The following INPP5D variants were observed in gnomAD, a reference collection of about 807,000 sequenced individuals.
The protein encoded by INPP5D is inositol polyphosphate-5-phosphatase D.
Under a neutral mutation model 122.9 loss-of-function variants are expected in INPP5D, and 33 were observed. That is an observed-to-expected ratio of 0.27 (90% CI 0.20 to 0.36). The LOEUF is 0.36. INPP5D is among the 10% of genes least tolerant of loss of function. The probability of loss-of-function intolerance (pLI) is 1.00; values close to 1 mark genes in which losing one functional copy is unlikely to be tolerated. For missense variants in INPP5D, 1,053 were observed against 1,412.7 expected, an observed-to-expected ratio of 0.75 and a Z score of 4.08; for synonymous variants, 584 against 576.2, an observed-to-expected ratio of 1.01 and a Z score of -0.19.
chr2:233,068,928 AGG>A (rs1253213449), intron 1 of INPP5D, among the ~76,000 whole-genome samples: 2 of 152,214 alleles, frequency 1.3e-5, no homozygotes, highest in Admixed American at 1.3e-4. Flanking sequence ...GAGTGAAACC[AGG>A]GGCAATGAAC....
Position 233,060,411 on chromosome 2 carries a change from C to G in INPP5D, c.-68C>G. 1 of 1,491,060 alleles carries G rather than the reference C, an allele frequency of 6.7e-7. No homozygotes were observed. The highest frequency in any genetic ancestry group is 9.0e-7 in the Non-Finnish European group (1 of 1,108,584). 92.4% of individuals were successfully genotyped at this position (1,491,060 alleles called of 1,614,324 possible). ...CGGCAGGTTGCAGTGGAGGGGCCTC[C>G]GCTCCCCTCGGTGGTGTGTGGGTCC... On this transcript the variant is annotated 5_prime_UTR_variant, in exon 1 of 27. Coordinates refer to ENST00000445964, the MANE Select transcript of INPP5D (RefSeq NM_001017915.3).
intron 12 of INPP5D, 23 bp downstream of exon 12, chr2:233,163,926 G>A: frequency 6.2e-7 from 1 of 1,610,596 alleles, no homozygotes; most frequent in South Asian, 1.1e-5. Flanking sequence ...CTGCACGCTG[G>A]GTGGGCTTCC....
intron 6 of INPP5D, 43 bp from the exon 7 acceptor site, chr2:233,146,119 G>C: frequency 1.4e-6 from 1 of 704,162 alleles, no homozygotes; most frequent in South Asian, 1.5e-5. Flanking sequence ...CGATGGTTCA[G>C]GTTCAGTGAT....
At chr2:233,096,050 A>G (rs1692130994) in intron 2 of INPP5D, among the ~76,000 whole-genome samples, 1 of 152,178 alleles carries the variant, frequency 6.6e-6, no homozygotes, top group South Asian at 2.1e-4. Context: ...TACATAGATG[A>G]TTTTCTTTTT....
At chr2:233,194,108 G>T in intron 23 of INPP5D, 147 bp downstream of exon 23, 1 of 1,338,366 alleles carries the variant, frequency 7.5e-7, no homozygotes. Context: ...AGACAATCTG[G>T]CCCAACCCTC....
Position 233,206,668 on chromosome 2 carries a change from G to T in INPP5D, c.3568-38G>T. 1.3e-6 allele frequency: 1 copy of T among 767,906 alleles called. No homozygotes were observed. The highest frequency in any genetic ancestry group is 1.4e-5 in the South Asian group (1 of 71,856). 47.6% of individuals were successfully genotyped at this position (767,906 alleles called of 1,614,324 possible). A position where few individuals can be genotyped will look rare whatever the true frequency, so the allele number is the denominator to read the frequency against. ...CACTTAGTTCAACATGGCCTGGTGA[G>T]AATGAGCCCTGACAGCCCTTCTGTT... On this transcript the variant is annotated intron_variant, in intron 26 of 26. Transcript: ENST00000445964. The surrounding 1 kb of genome is among the most constrained non-coding windows in gnomAD (Gnocchi z 4.0).
Position 233,183,812 on chromosome 2 carries a change from C to T in INPP5D, c.2162-596C>T, listed in dbSNP as rs1306467454. On this transcript the variant is annotated intron_variant, in intron 19 of 26. Coordinates refer to ENST00000445964, the MANE Select transcript of INPP5D (RefSeq NM_001017915.3). This position sits in a 1 kb window ranked among gnomAD's most constrained non-coding sequence, Gnocchi z 4.6. ...GAGGAAGGAAAGGTTTGTTCATGGT[C>T]TCCGAACAAGTCTCTGTTCTGTGGC... is the stretch of plus-strand genomic sequence containing the variant. 6.6e-6 allele frequency among the ~76,000 whole-genome samples: 1 copy of T among 152,224 alleles called. No homozygotes were observed. The highest frequency in any genetic ancestry group is 1.9e-4 in the East Asian group (1 of 5,202).
In INPP5D at chr2:233,163,712, G is replaced by A. The variant is rs1694251238; in HGVS notation, c.1246G>A (p.Ala416Thr). The A allele has an allele frequency of 8.7e-6, 14 of 1,613,350 alleles. No homozygotes were observed. Among genetic ancestry groups the A allele is most frequent in the Admixed American group, 1.7e-5 (1 of 59,884 alleles). Residue 416 changes from alanine to threonine, a missense_variant, in exon 12 of 27, where the codon GCC (alanine) becomes ACC (threonine). By Grantham distance (58) the Ala-to-Thr change is moderately conservative. This residue lies in a region of INPP5D where 105 missense variants were observed against 199.8 expected (regional missense o/e 0.53). Coordinates refer to ENST00000445964, the MANE Select transcript of INPP5D (RefSeq NM_001017915.3). ...IFIGTWNMGN[A>T]PPPKKITSWF... is the part of the protein sequence containing the mutation. ...GTTGGGTTTTGCTGTTGAAGGTAACGCCCCCCCTCCCAAGAAGATCACGTC... is the reference window on the plus strand; with the variant it reads ...GTTGGGTTTTGCTGTTGAAGGTAACACCCCCCCTCCCAAGAAGATCACGTC...
At chr2:233,191,845 C>T (rs913163414) in intron 22 of INPP5D, among the ~76,000 whole-genome samples, 1 of 152,140 alleles carries the variant, frequency 6.6e-6, no homozygotes, top group African/African-American at 2.4e-5. Context: ...GAATACTGCT[C>T]GGTGGAAGTC....
rs921716055 is a variant in INPP5D at position 233,086,665 on chromosome 2, C to G, written c.198+7267C>G. On this transcript the variant is annotated intron_variant, in intron 2 of 26. Transcript: ENST00000445964. ...CAGAATGAAGCAACCTGGGATCTGCCCTCCTCTAGATTTTCTGTTTTGTGA... is the reference window on the plus strand; with the variant it reads ...CAGAATGAAGCAACCTGGGATCTGCGCTCCTCTAGATTTTCTGTTTTGTGA... 7.5e-5 allele frequency among the ~76,000 whole-genome samples: 9 copies of G among 120,732 alleles called. No homozygotes were observed. The East Asian group carries it at 4.4e-3, about 59-fold the overall frequency. 79.2% of individuals were successfully genotyped at this position (120,732 alleles called of 152,430 possible).
chr2:233,163,983 G>C, intron 12 of INPP5D, 80 bp downstream of exon 12: 2 of 1,524,752 alleles, frequency 1.3e-6, no homozygotes, highest in Non-Finnish European at 1.8e-6. Context: ...GCAAGGGTGG[G>C]CTCAGCCTAT....
intron 2 of INPP5D, among the ~76,000 whole-genome samples, chr2:233,102,351 T>G (rs573455727): frequency 1.1e-4 from 16 of 152,000 alleles, no homozygotes; most frequent in Non-Finnish European, 7.4e-5. Context: ...AAGGGGTGTT[T>G]CCCCCATGGG....
At chr2:233,132,340 C>T (rs1336983804) in intron 5 of INPP5D, among the ~76,000 whole-genome samples, 1 of 152,230 alleles carries the variant, frequency 6.6e-6, no homozygotes, top group Non-Finnish European at 1.5e-5. Context: ...ATTTCCCTAA[C>T]ACCTCAACAC....
At chr2:233,122,350 C>T in intron 3 of INPP5D, 93 bp downstream of exon 3, 1 of 1,340,258 alleles carries the variant, frequency 7.5e-7, no homozygotes, top group Non-Finnish European at 1.0e-6. Context: ...GTCCTATTAT[C>T]AGAGGGAGAT....
intron 6 of INPP5D, among the ~76,000 whole-genome samples, chr2:233,142,191 C>A (rs945031166): frequency 6.6e-6 from 1 of 152,128 alleles, no homozygotes; most frequent in East Asian, 1.9e-4. Flanking sequence ...AGCAGCCACC[C>A]AGTGGAGGGT....
rs1694989823 is a variant in INPP5D, at chr2:233,189,159, C to T, written c.2359-691C>T. Among the ~76,000 whole-genome samples the T allele has an allele frequency of 6.6e-6, 1 of 152,190 alleles. No homozygotes were observed. The highest frequency in any genetic ancestry group is 1.5e-5 in the Non-Finnish European group (1 of 68,038). On this transcript the variant is annotated intron_variant, in intron 21 of 26. Coordinates refer to ENST00000445964, the MANE Select transcript of INPP5D (RefSeq NM_001017915.3). This position sits in a 1 kb window ranked among gnomAD's most constrained non-coding sequence, Gnocchi z 5.6. ...CTGTGCAAAGCCTGTTAGCAGCCAC[C>T]CCCGCTGCCAGCCAGGCCAGCAGGG...
intron 17 of INPP5D, among the ~76,000 whole-genome samples, chr2:233,172,939 C>T (rs1427460608): frequency 6.6e-6 from 1 of 152,176 alleles, no homozygotes; most frequent in African/African-American, 2.4e-5. Flanking sequence ...CTGGGGGCAG[C>T]GGCTCATGCC....
At chr2:233,060,903 G>A (rs1691055065) in intron 1 of INPP5D, among the ~76,000 whole-genome samples, 1 of 152,214 alleles carries the variant, frequency 6.6e-6, no homozygotes, top group Non-Finnish European at 1.5e-5. Context: ...AGAGAAGGGA[G>A]TTTGGGCTTT....
chr2:233,128,881 A>G lies in INPP5D; in HGVS notation c.525-1627A>G, dbSNP rs144431134. Among the ~76,000 whole-genome samples the G allele has an allele frequency of 9.4e-3, 1,430 of 152,276 alleles. 8 individuals are homozygous for G. The highest frequency in any genetic ancestry group is 0.013 in the African/African-American group (550 of 41,556). ...CAATTTGATTACATATCAAGCCTGG[A>G]ATAAAAATCTTTAAGGCGGCTGGGC... is the stretch of plus-strand genomic sequence containing the variant. On this transcript the variant is annotated intron_variant, in intron 4 of 26. Transcript: ENST00000445964. This position sits in a 1 kb window ranked among gnomAD's most constrained non-coding sequence, Gnocchi z 4.5.
Sources: allele counts gnomAD v4.1 joint callset (sites outside exome capture counted in the v4.1 genomes callset), GRCh38; gene constraint gnomAD v4.1.1; regional missense constraint gnomAD v4.1.1; non-coding constraint Gnocchi (gnomAD v3.1); transcripts MANE v1.5; gene names NCBI Gene and HGNC (gene_info 2026-07-23, HGNC 2026-07-21).